EIF3D: variants seen among roughly 807,000 people sequenced by gnomAD.
EIF3D encodes eIF3 p66.
EIF3D carries 10 observed loss-of-function variants against 75.4 expected under a neutral mutation model. The ratio of observed to expected loss-of-function variants is 0.13; its 90% CI spans 0.08 to 0.22. EIF3D has a LOEUF of 0.22. Ranked by LOEUF, EIF3D falls within the 10% of genes least tolerant of loss-of-function variation. The probability of loss-of-function intolerance (pLI) is 1.00; values close to 1 mark genes in which losing one functional copy is unlikely to be tolerated. For missense variants in EIF3D, 394 were observed against 708.0 expected (o/e 0.56, Z 5.03); for synonymous variants, 246 against 248.3 (o/e 0.99, Z 0.09).
At chr22:36,517,193 T>C in intron 10 of EIF3D, 108 bp downstream of exon 10, 1 of 1,472,110 alleles carries the variant, frequency 6.8e-7, no homozygotes, top group Non-Finnish European at 9.3e-7. Context: ...GGGGACTGCG[T>C]CTGACCTGCT....
rs752804972 is a variant in EIF3D at position 36,511,819 on chromosome 22, A to G, written c.1350-33T>C. 8 of 1,596,564 alleles carry G rather than the reference A, an allele frequency of 5.0e-6. 1 individual carries two copies. In the South Asian group the frequency reaches 7.7e-5, roughly 15 times the overall value. Reference sequence around the variant, plus strand: ...GGGAAGGGATATCAGTGGTCAGAGCAGGGCAGCACAGAGACAGCAACACTT... The same window carrying G: ...GGGAAGGGATATCAGTGGTCAGAGCGGGGCAGCACAGAGACAGCAACACTT... On this transcript the variant is annotated intron_variant, in intron 13 of 14. Transcript: ENST00000216190.
chr22:36,516,496 G>A lies in EIF3D; in HGVS notation c.1188C>T (p.Leu396=). The A allele has an allele frequency of 6.2e-7, 1 of 1,614,098 alleles. No homozygotes were observed. Among genetic ancestry groups the A allele is most frequent in the Non-Finnish European group, 8.5e-7 (1 of 1,179,946 alleles). ...GEVSFINIKT[L]NEWDSRHCNG... is the part of the protein sequence containing the mutation. ...GGCTCACCCTGGAATCCCACTCATT[G>A]AGTGTCTTGATGTTGATGAAGGACA... The change falls in exon 12 of 15, where the codon CTC becomes CTT. Residue 396 remains leucine (L), a synonymous_variant. Transcript: ENST00000216190.
In EIF3D at chr22:36,523,193, G is replaced by C. The variant is rs751039468; in HGVS notation, c.465+16C>G. Reference sequence around the variant, plus strand: ...GAACCAAATTCCAAGGCAGAATTCTGGTATAAATACATTACCTGTGATTTC... The same window carrying C: ...GAACCAAATTCCAAGGCAGAATTCTCGTATAAATACATTACCTGTGATTTC... On this transcript the variant is annotated intron_variant, in intron 6 of 14. Coordinates refer to ENST00000216190, the MANE Select transcript of EIF3D (RefSeq NM_003753.4). The C allele has an allele frequency of 3.7e-6, 6 of 1,609,436 alleles. No homozygotes were observed. Among genetic ancestry groups the C allele is most frequent in the Non-Finnish European group, 5.1e-6 (6 of 1,175,828 alleles).
At chr22:36,511,198 C>G in intron 14 of EIF3D, 198 bp from the exon 15 acceptor site, 2 of 818,656 alleles carry the variant, frequency 2.4e-6, no homozygotes, top group Non-Finnish European at 1.8e-6. Context: ...AACTTTCAGG[C>G]TATTTAACCC....
rs953564961 is a variant in EIF3D, at chr22:36,513,308, CT to C, written c.1207-707del. ...CAAGAATTTCTTTTAAATTTTTTTT[CT>C]TTTTTTTTTTGAGACGGAGTTTTGC... On this transcript the variant is annotated intron_variant, in intron 12 of 14. Transcript: ENST00000216190. 3.8e-4 allele frequency among the ~76,000 whole-genome samples: 56 copies of C among 146,934 alleles called. 1 individual carries two copies. The highest frequency in any genetic ancestry group is 8.6e-4 in the South Asian group (4 of 4,652).
At chr22:36,525,483 A>C (rs547840796) in intron 3 of EIF3D, among the ~76,000 whole-genome samples, 181 bp downstream of exon 3, 7 of 152,264 alleles carry the variant, frequency 4.6e-5, no homozygotes, top group South Asian at 2.1e-4. Flanking sequence ...GAATGGTCTA[A>C]GTTTTGAGGG....
At chr22:36,524,961 G>A (rs1372635096) in intron 3 of EIF3D, among the ~76,000 whole-genome samples, 2 of 152,100 alleles carry the variant, frequency 1.3e-5, no homozygotes, top group African/African-American at 2.4e-5. Flanking sequence ...AACAACTCTG[G>A]CCTAAAGAAC....
At chr22:36,525,849 T>A in intron 2 of EIF3D, 140 bp from the exon 3 acceptor site, 1 of 1,456,052 alleles carries the variant, frequency 6.9e-7, no homozygotes, top group South Asian at 1.3e-5. Flanking sequence ...GCCCAGCTCT[T>A]CTATGACTAC....
intron 2 of EIF3D, 131 bp downstream of exon 2, chr22:36,525,868 A>C (rs1209428288): frequency 6.8e-7 from 1 of 1,476,948 alleles, no homozygotes; most frequent in Admixed American, 2.2e-5. Context: ...ACACCCAGAG[A>C]TAACCTTTCT....
intron 6 of EIF3D, chr22:36,522,991 C>T (rs143758470): frequency 7.8e-5 from 37 of 471,346 alleles, no homozygotes; most frequent in East Asian, 2.7e-4. Context: ...GTTCTAGCAA[C>T]GGAAAACAGA....
intron 1 of EIF3D, 133 bp from the exon 2 acceptor site, chr22:36,526,264 T>C (rs1446409672): frequency 3.9e-5 from 36 of 920,268 alleles, no homozygotes; most frequent in Non-Finnish European, 4.8e-5. Flanking sequence ...CCCTCAACTG[T>C]TGAGCGACTA....
At chr22:36,516,833 A>ACAAGGC (rs1934435868) in intron 10 of EIF3D, 43 bp from the exon 11 acceptor site, 1 of 1,578,974 alleles carries the variant, frequency 6.3e-7, no homozygotes, top group Non-Finnish European at 8.7e-7. Flanking sequence ...AACTTTGTTG[A>ACAAGGC]CAAGGCCAAG....
chr22:36,511,361 G>T, intron 14 of EIF3D, 142 bp downstream of exon 14: 2 of 1,485,780 alleles, frequency 1.3e-6, no homozygotes, highest in East Asian at 2.3e-5. Context: ...AGCTCTTGGA[G>T]CCAAAGTGAA....
intron 9 of EIF3D, 114 bp from the exon 10 acceptor site, chr22:36,517,545 T>C: frequency 7.8e-7 from 1 of 1,283,998 alleles, no homozygotes; most frequent in Non-Finnish European, 1.0e-6. Flanking sequence ...TTCAAAGAAC[T>C]GCCCTCTCCT....
intron 8 of EIF3D, 39 bp from the exon 9 acceptor site, chr22:36,518,949 C>T (rs1218478666): frequency 1.9e-6 from 3 of 1,607,074 alleles, no homozygotes; most frequent in Non-Finnish European, 2.6e-6. Context: ...GAAAGACACT[C>T]CCAGGTCTCA....
At position 36,516,993 on chromosome 22, in the gene EIF3D, T is replaced by C. The variant is rs1468533719; in HGVS notation, c.991-203A>G. ...CTGATGAATTAGAACAATGACTTAG[T>C]AACCATGCTCATCTCTACTTCATTT... is the stretch of plus-strand genomic sequence containing the variant. On this transcript the variant is annotated intron_variant, in intron 10 of 14. Transcript: ENST00000216190. 4 of 619,134 alleles carry C rather than the reference T, an allele frequency of 6.5e-6. No individual in the cohort carries two copies. In the East Asian group the frequency reaches 1.1e-4, roughly 17 times the overall value. The allele number at this position is 619,134 out of a possible 1,614,324, so 38.4% of individuals were successfully genotyped here.
Position 36,518,863 on chromosome 22 carries a change from G to A in EIF3D, c.759C>T (p.Ala253=). Residue 253 remains alanine, a synonymous_variant, in exon 9 of 15, where the codon GCC becomes GCT. Coordinates refer to ENST00000216190, the MANE Select transcript of EIF3D (RefSeq NM_003753.4). The part of the protein sequence containing the change: ...GNVFATDAIL[A]TLMSCTRSVY... ...CTGAGCGGGTACAGCTCATCAGCGT[G>A]GCCAGGATGGCATCAGTGGCAAACA... 6.2e-7 allele frequency: 1 copy of A among 1,614,174 alleles called. No individual in the cohort carries two copies. Among genetic ancestry groups the A allele is most frequent in the African/African-American group, 1.3e-5 (1 of 75,048 alleles).
chr22:36,525,533 C>T (rs1231451454), intron 3 of EIF3D, 131 bp downstream of exon 3: 2 of 1,043,710 alleles, frequency 1.9e-6, no homozygotes. Flanking sequence ...GCCCAGAATA[C>T]ATCCCTAAAA....
intron 13 of EIF3D, 69 bp from the exon 14 acceptor site, chr22:36,511,855 G>A (rs1934342926): frequency 1.9e-6 from 3 of 1,565,788 alleles, no homozygotes; most frequent in East Asian, 2.3e-5. Context: ...GGGATCAAAT[G>A]TCAATTAAAT....
Sources: gnomAD v4.1 joint callset for allele counts (sites outside exome capture counted in the v4.1 genomes callset) on GRCh38, gnomAD v4.1.1 for gene constraint, MANE v1.5 for transcripts, NCBI Gene and HGNC (gene_info 2026-07-23, HGNC 2026-07-21) for gene names.